Variants in CCBE1 observed in about 807,000 individuals in gnomAD.
CCBE1 encodes the protein collagen and calcium binding EGF domains 1, also known as collagen and calcium-binding EGF domain-containing protein 1.
Under a neutral mutation model 50.0 loss-of-function variants are expected in CCBE1, and 37 were observed. That is an observed-to-expected ratio of 0.74 (90% confidence interval 0.57 to 0.97). CCBE1 has a LOEUF of 0.97. Ranked by LOEUF, CCBE1 falls within the 50% of genes least tolerant of loss-of-function variation. The pLI is 0.00. For missense variants in CCBE1, 538 were observed against 523.8 expected, an observed-to-expected ratio of 1.03 and a Z score of -0.26; for synonymous variants, 234 against 203.7, an observed-to-expected ratio of 1.15 and a Z score of -1.27.
intron 7 of CCBE1, among the ~76,000 whole-genome samples, chr18:59,440,664 AG>A (rs1910381187): frequency 6.6e-6 from 1 of 152,044 alleles, no homozygotes; most frequent in Non-Finnish European, 1.5e-5. Flanking sequence ...CTTACTTCTT[AG>A]TGAGGGGTAG....
At chr18:59,447,681 GA>G (rs1477415968) in intron 7 of CCBE1, among the ~76,000 whole-genome samples, 1 of 152,102 alleles carries the variant, frequency 6.6e-6, no homozygotes, top group African/African-American at 2.4e-5. Context: ...AATTTTTCCA[GA>G]AAAAGGTTTA....
At chr18:59,440,113 C>T (rs984031750) in intron 7 of CCBE1, among the ~76,000 whole-genome samples, 1 of 152,218 alleles carries the variant, frequency 6.6e-6, no homozygotes, top group African/African-American at 2.4e-5. Flanking sequence ...CAGTGGCCAG[C>T]TCCTGTGCAT....
intron 5 of CCBE1, among the ~76,000 whole-genome samples, chr18:59,463,773 G>A (rs1911608209): frequency 6.6e-6 from 1 of 152,192 alleles, no homozygotes; most frequent in South Asian, 2.1e-4. Flanking sequence ...TTATGCTCAA[G>A]CATAAGCCTT....
chr18:59,633,167 A>T (rs1453696112), intron 2 of CCBE1, among the ~76,000 whole-genome samples: 1 of 152,214 alleles, frequency 6.6e-6, no homozygotes, highest in Admixed American at 6.5e-5. Context: ...ATGAATGTAA[A>T]AAGCAAGTTT....
At chr18:59,460,196 T>A (rs1451577419) in intron 5 of CCBE1, among the ~76,000 whole-genome samples, 1 of 152,176 alleles carries the variant, frequency 6.6e-6, no homozygotes, top group Non-Finnish European at 1.5e-5. Context: ...AGCCAGTGGA[T>A]TGCAACCTCT....
chr18:59,623,567 C>A (rs1484962657), intron 2 of CCBE1, among the ~76,000 whole-genome samples: 1 of 152,198 alleles, frequency 6.6e-6, no homozygotes, highest in East Asian at 1.9e-4. Flanking sequence ...AACATGTTCA[C>A]ATAATGCATA....
chr18:59,501,080 C>A (rs1360371325), intron 2 of CCBE1, among the ~76,000 whole-genome samples: 1 of 152,206 alleles, frequency 6.6e-6, no homozygotes, highest in Admixed American at 6.5e-5. Flanking sequence ...TTTCAATCCC[C>A]AAAGTGTGAA....
rs189054763 is a variant in CCBE1 at position 59,681,532 on chromosome 18, G to A, written c.212+15097C>T. 3.2e-3 allele frequency among the ~76,000 whole-genome samples: 481 copies of A among 152,288 alleles called. 3 individuals carry two copies. The highest frequency in any genetic ancestry group is 5.4e-3 in the Non-Finnish European group (365 of 68,026). On this transcript the variant is annotated intron_variant, in intron 2 of 10. Transcript: ENST00000439986. The stretch of plus-strand genomic sequence containing the variant: ...GGGACTACAGCTCTCCATGAAGCGA[G>A]GAAGCTGATACTTCACCCTGTGTTC...
chr18:59,579,752 T>C (rs915958060), intron 2 of CCBE1, among the ~76,000 whole-genome samples: 4 of 152,216 alleles, frequency 2.6e-5, no homozygotes, highest in African/African-American at 9.6e-5. Context: ...TGTCCTGGAC[T>C]GTCCCTGAAC....
intron 2 of CCBE1, among the ~76,000 whole-genome samples, chr18:59,582,912 G>C (rs1235155964): frequency 6.6e-6 from 1 of 152,086 alleles, no homozygotes; most frequent in South Asian, 2.1e-4. Context: ...TCCTGGGCTC[G>C]AGCAATCCTT....
intron 2 of CCBE1, among the ~76,000 whole-genome samples, chr18:59,550,994 G>T (rs1228325869): frequency 3.6e-5 from 2 of 55,610 alleles, no homozygotes; most frequent in South Asian, 7.2e-4. Context: ...AACACAGCGA[G>T]ACTCAAAAAA....
chr18:59,682,375 C>A (rs2054601350), intron 2 of CCBE1, among the ~76,000 whole-genome samples: 1 of 152,110 alleles, frequency 6.6e-6, no homozygotes, highest in Non-Finnish European at 1.5e-5. Context: ...GAAAAGAGAC[C>A]ATGTCTCCCA....
chr18:59,651,213 A>T (rs1354803687), intron 2 of CCBE1, among the ~76,000 whole-genome samples: 1 of 152,230 alleles, frequency 6.6e-6, no homozygotes, highest in East Asian at 1.9e-4. Flanking sequence ...TCCAGGGAAA[A>T]TACGTTCTAC....
intron 2 of CCBE1, among the ~76,000 whole-genome samples, chr18:59,568,909 C>T (rs540968370): frequency 6.6e-6 from 1 of 152,334 alleles, no homozygotes; most frequent in African/African-American, 2.4e-5. Context: ...TATCCAGGGA[C>T]ATCTTGCCAA....
rs564173231 is a variant in CCBE1 at position 59,491,020 on chromosome 18, T to A, written c.213-10782A>T. On this transcript the variant is annotated intron_variant, in intron 2 of 10. Coordinates refer to ENST00000439986, the MANE Select transcript of CCBE1 (RefSeq NM_133459.4). ...ATTCCTTGGCAGCAATATGGTTCAC[T>A]GCGAACAGTAACAATTGTGGGATCC... Among the ~76,000 whole-genome samples, 14 of 152,344 alleles carry A rather than the reference T, an allele frequency of 9.2e-5. No homozygotes were observed. The South Asian group carries it at 2.7e-3, about 29-fold the overall frequency.
At chr18:59,456,243 C>A (rs932291089) in intron 5 of CCBE1, among the ~76,000 whole-genome samples, 1 of 152,206 alleles carries the variant, frequency 6.6e-6, no homozygotes, top group South Asian at 2.1e-4. Flanking sequence ...TGGTATCTCA[C>A]GTAATGGATG....
At chr18:59,500,135 G>A (rs148672075) in intron 2 of CCBE1, among the ~76,000 whole-genome samples, 42 of 152,272 alleles carry the variant, frequency 2.8e-4, no homozygotes, top group African/African-American at 9.6e-4. Flanking sequence ...TAGGCCACCC[G>A]CAGGTCCAGA....
At chr18:59,624,658 C>A (rs117754081) in intron 2 of CCBE1, among the ~76,000 whole-genome samples, 1 of 152,062 alleles carries the variant, frequency 6.6e-6, no homozygotes, top group Non-Finnish European at 1.5e-5. Flanking sequence ...AGTACAAGTG[C>A]GGTTGTTTCA....
chr18:59,508,921 A>T (rs1397795141), intron 2 of CCBE1, among the ~76,000 whole-genome samples: 1 of 152,068 alleles, frequency 6.6e-6, no homozygotes, highest in Non-Finnish European at 1.5e-5. Flanking sequence ...CATGCAACTT[A>T]TATTCAAGGC....
Sources: allele counts gnomAD v4.1 joint callset (sites outside exome capture counted in the v4.1 genomes callset), GRCh38; gene constraint gnomAD v4.1.1; transcripts MANE v1.5; gene names NCBI Gene and HGNC (gene_info 2026-07-23, HGNC 2026-07-21).